The following AKAP13 variants were observed in gnomAD, a reference collection of about 807,000 sequenced individuals.
AKAP13 encodes the protein A-kinase anchoring protein 13, also known as A-kinase anchor protein 13.
In AKAP13, 80 loss-of-function variants were observed where a neutral mutation model predicts 264.5. That is an observed-to-expected ratio of 0.30 (90% CI 0.25 to 0.36). The LOEUF (loss-of-function observed/expected upper bound fraction) is 0.36, where lower values mean the gene tolerates loss of function less well. Ranked by LOEUF, AKAP13 falls within the 10% of genes least tolerant of loss-of-function variation. The pLI is 1.00. For synonymous variants in AKAP13, 1,380 were observed against 1,250.2 expected, an observed-to-expected ratio of 1.10 and a Z score of -2.19; for missense variants, 3,712 against 3,435.2, an observed-to-expected ratio of 1.08 and a Z score of -2.01.
At chr15:85,452,597 A>C (rs2074131255) in intron 1 of AKAP13, among the ~76,000 whole-genome samples, 1 of 152,120 alleles carries the variant, frequency 6.6e-6, no homozygotes, top group Non-Finnish European at 1.5e-5. Context: ...GTTTATTTGA[A>C]GCTGACTTCT....
At chr15:85,403,034 C>T (rs7181604) in intron 1 of AKAP13, among the ~76,000 whole-genome samples, 35,095 of 152,020 alleles carry the variant, frequency 0.23, 4,375 homozygotes, top group East Asian at 0.31. Context: ...GCCAAGGACT[C>T]TTAATAGTAG....
At chr15:85,630,567 C>G (rs574596089) in intron 8 of AKAP13, among the ~76,000 whole-genome samples, 2 of 152,230 alleles carry the variant, frequency 1.3e-5, no homozygotes, top group Non-Finnish European at 2.9e-5. Context: ...GCTTTTAAGG[C>G]TTGGTTGGTA....
intron 1 of AKAP13, chr15:85,415,203 C>T: frequency 6.8e-7 from 1 of 1,471,102 alleles, no homozygotes; most frequent in Non-Finnish European, 9.3e-7. Flanking sequence ...CCCCGCTCTG[C>T]ACGCCAGCTC....
At chr15:85,633,458 A>G (rs1336254065) in intron 8 of AKAP13, among the ~76,000 whole-genome samples, 1 of 151,684 alleles carries the variant, frequency 6.6e-6, no homozygotes, top group Non-Finnish European at 1.5e-5. Context: ...CTTATTTCAC[A>G]GTAAGTAAAA....
chr15:85,645,795 G>A, intron 9 of AKAP13, 23 bp from the exon 10 acceptor site: 1 of 1,306,716 alleles, frequency 7.7e-7, no homozygotes, highest in Middle Eastern at 2.0e-4. Flanking sequence ...TTTCAATATT[G>A]GTGAATAAAT....
chr15:85,685,007 A>G, intron 16 of AKAP13, 134 bp downstream of exon 16: 1 of 1,128,004 alleles, frequency 8.9e-7, no homozygotes, highest in Non-Finnish European at 1.2e-6. Context: ...AAATCGCCTA[A>G]TATTTAAAGG....
At chr15:85,735,464 G>T in intron 31 of AKAP13, 96 bp from the exon 32 acceptor site, 1 of 1,313,126 alleles carries the variant, frequency 7.6e-7, no homozygotes, top group South Asian at 1.3e-5. Flanking sequence ...GTAGGTTTCA[G>T]ACATACTACA....
Position 85,684,885 on chromosome 15 carries a change from T to C in AKAP13, c.5289+12T>C, listed in dbSNP as rs2084804602. On this transcript the variant is annotated intron_variant, in intron 16 of 36. Coordinates refer to ENST00000394518, the MANE Select transcript of AKAP13 (RefSeq NM_007200.5). Reference sequence around the variant, plus strand: ...GCAAGAAGAGCAAAGTGAGTATCACTGTGGGCATTGCTTGTGATCACCTCA... The same window carrying C: ...GCAAGAAGAGCAAAGTGAGTATCACCGTGGGCATTGCTTGTGATCACCTCA... The C allele has an allele frequency of 6.2e-7, 1 of 1,612,908 alleles. No individual in the cohort carries two copies. The highest frequency in any genetic ancestry group is 1.7e-5 in the Admixed American group (1 of 59,954).
At chr15:85,519,109 CT>C (rs1191507713) in intron 2 of AKAP13, among the ~76,000 whole-genome samples, 1 of 150,190 alleles carries the variant, frequency 6.7e-6, no homozygotes, top group African/African-American at 2.4e-5. Flanking sequence ...TTTTTTTTTC[CT>C]GTAAAAGTCC....
intron 30 of AKAP13, among the ~76,000 whole-genome samples, chr15:85,734,586 T>C (rs1312554487): frequency 6.6e-6 from 1 of 152,232 alleles, no homozygotes; most frequent in Non-Finnish European, 1.5e-5. Flanking sequence ...CTTAGACTAC[T>C]CTAGCCCCTT....
At chr15:85,423,158 G>A (rs1017466699) in intron 1 of AKAP13, among the ~76,000 whole-genome samples, 1 of 152,214 alleles carries the variant, frequency 6.6e-6, no homozygotes, top group Non-Finnish European at 1.5e-5. Context: ...TGATCAGGTG[G>A]TGGTTGCTGA....
At chr15:85,475,781 C>T (rs1015638165) in intron 1 of AKAP13, among the ~76,000 whole-genome samples, 3 of 152,148 alleles carry the variant, frequency 2.0e-5, no homozygotes, top group Non-Finnish European at 4.4e-5. Flanking sequence ...GATTTTTGTA[C>T]TTATAGCTAT....
intron 5 of AKAP13, among the ~76,000 whole-genome samples, chr15:85,562,390 C>A (rs964816102): frequency 2.0e-5 from 3 of 151,176 alleles, no homozygotes; most frequent in Non-Finnish European, 4.4e-5. Flanking sequence ...CATGGCGAAA[C>A]CCCGTCTCTA....
intron 5 of AKAP13, 40 bp from the exon 6 acceptor site, chr15:85,575,091 G>A (rs1367386789): frequency 6.3e-7 from 1 of 1,593,124 alleles, no homozygotes; most frequent in African/African-American, 1.3e-5. Flanking sequence ...TGCCTGGGAG[G>A]CAGAATGTAT....
At chr15:85,548,351 T>A (rs2151225121) in intron 5 of AKAP13, among the ~76,000 whole-genome samples, 1 of 152,334 alleles carries the variant, frequency 6.6e-6, no homozygotes, top group Middle Eastern at 3.4e-3. Context: ...AATTAGGGCT[T>A]ATTTGTCATA....
At chr15:85,545,820 T>C (rs1384305550) in intron 5 of AKAP13, among the ~76,000 whole-genome samples, 1 of 152,242 alleles carries the variant, frequency 6.6e-6, no homozygotes, top group Non-Finnish European at 1.5e-5. Context: ...TCTTTTCTCC[T>C]TTCCTTCCCC....
intron 16 of AKAP13, among the ~76,000 whole-genome samples, chr15:85,686,165 G>GTGTGTGTGTA (rs1420664417): frequency 4.5e-4 from 60 of 132,206 alleles, no homozygotes; most frequent in African/African-American, 1.7e-3. Flanking sequence ...GTGTGTGTGT[G>GTGTGTGTGTA]TATGTGTGTG....
chr15:85,483,437 T>C (rs1345754281), intron 1 of AKAP13, among the ~76,000 whole-genome samples: 3 of 151,936 alleles, frequency 2.0e-5, no homozygotes, highest in Non-Finnish European at 4.4e-5. Flanking sequence ...CCATCCTGGC[T>C]AACAAGGTGA....
At chr15:85,669,288 C>T (rs139409906) in intron 13 of AKAP13, among the ~76,000 whole-genome samples, 101 of 152,158 alleles carry the variant, frequency 6.6e-4, no homozygotes, top group Non-Finnish European at 1.2e-3. Context: ...TACTGATATT[C>T]TACTATATCT....
Sources: gnomAD v4.1 joint callset for allele counts (sites outside exome capture counted in the v4.1 genomes callset) on GRCh38, gnomAD v4.1.1 for gene constraint, MANE v1.5 for transcripts, NCBI Gene and HGNC (gene_info 2026-07-23, HGNC 2026-07-21) for gene names.